ARHGEF10L: variants seen among roughly 807,000 people sequenced by gnomAD.
ARHGEF10L encodes rho guanine nucleotide exchange factor 10-like protein.
ARHGEF10L carries 69 observed loss-of-function variants against 141.2 expected under a neutral mutation model. The ratio of observed to expected loss-of-function variants is 0.49; its 90% CI spans 0.40 to 0.60. The LOEUF (loss-of-function observed/expected upper bound fraction) is 0.60, where lower values mean the gene tolerates loss of function less well. ARHGEF10L is among the 20% of genes least tolerant of loss of function. ARHGEF10L has a pLI of 0.00. For synonymous variants in ARHGEF10L, 711 were observed against 718.5 expected (o/e 0.99, Z 0.17); for missense variants, 1,482 against 1,734.3 (o/e 0.85, Z 2.58).
intron 1 of ARHGEF10L, among the ~76,000 whole-genome samples, chr1:17,541,116 C>T (rs960620463): frequency 2.6e-5 from 4 of 152,196 alleles, no homozygotes; most frequent in Non-Finnish European, 5.9e-5. Flanking sequence ...ATCTGATGCT[C>T]GCTCTGTCCC....
At chr1:17,524,298 C>T in the ARHGEF10L span, among the ~76,000 whole-genome samples, 2 of 150,704 alleles carry the variant, frequency 1.3e-5, no homozygotes, top group Non-Finnish European at 3.0e-5. Flanking sequence ...GAGCGAGACT[C>T]CGTCTCAAGA....
At chr1:17,665,793 CTTA>C (rs963404700) in intron 26 of ARHGEF10L, among the ~76,000 whole-genome samples, 7 of 152,148 alleles carry the variant, frequency 4.6e-5, no homozygotes, top group African/African-American at 1.4e-4. Context: ...TAGAAAGAGA[CTTA>C]TTATAAAGAG....
Position 17,664,448 on chromosome 1 carries a change from A to T in ARHGEF10L, c.2862A>T (p.Gly954=), listed in dbSNP as rs550241696. The T allele has an allele frequency of 6.2e-6, 10 of 1,602,386 alleles. No individual in the cohort carries two copies. The African/African-American group carries it at 1.3e-4, about 21-fold the overall frequency. Residue 954 remains glycine (G), a splice_region_variant and synonymous_variant, in exon 26 of 29, where the codon GGA becomes GGT. Transcript: ENST00000361221. ...CCTGCCTCCCCTCTCTCCCTGCAGG[A>T]GGTGTCCTGTGGGACCTGGAGAGCC... ...GTLAAYPRTS[G]GVLWDLESPP...
chr1:17,556,313 G>A (rs1212505847), intron 1 of ARHGEF10L, among the ~76,000 whole-genome samples: 3 of 141,208 alleles, frequency 2.1e-5, no homozygotes, highest in African/African-American at 5.4e-5. Context: ...CTGGGAGCAC[G>A]GGGGTGGGCC....
intron 26 of ARHGEF10L, among the ~76,000 whole-genome samples, chr1:17,672,349 T>C (rs2063378053): frequency 6.6e-6 from 1 of 152,184 alleles, no homozygotes; most frequent in Non-Finnish European, 1.5e-5. Flanking sequence ...ATCTTATTTA[T>C]GACATGAAAC....
rs149908903 is a variant in ARHGEF10L, at chr1:17,697,186, G to T, written c.3646G>T (p.Asp1216Tyr). 1.9e-5 allele frequency: 30 copies of T among 1,612,064 alleles called. No individual in the cohort carries two copies. In the East Asian group the frequency reaches 3.8e-4, roughly 20 times the overall value. Reference sequence around the variant, plus strand: ...CGGCTCCATTTACGAGATGGCCGACGACCCCGACATCTGGGTGCGCAGCCG... The same window carrying T: ...CGGCTCCATTTACGAGATGGCCGACTACCCCGACATCTGGGTGCGCAGCCG... ...EDGSIYEMAD[D>Y]PDIWVRSRPC... The change falls in exon 29 of 29, where the codon GAC becomes TAC. Residue 1216 changes from aspartate (D) to tyrosine (Y), a missense_variant. This residue lies in a region of ARHGEF10L where 858 missense variants were observed against 966.3 expected (regional missense o/e 0.89). Coordinates refer to ENST00000361221, the MANE Select transcript of ARHGEF10L (RefSeq NM_018125.4). This position sits in a 1 kb window ranked among gnomAD's most constrained non-coding sequence, Gnocchi z 4.8.
chr1:17,544,939 G>A (rs575544718), intron 1 of ARHGEF10L, among the ~76,000 whole-genome samples: 1 of 152,226 alleles, frequency 6.6e-6, no homozygotes, highest in East Asian at 1.9e-4. Context: ...CAGGTCTTGG[G>A]AGACTTATTC....
At position 17,648,652 on chromosome 1, in the gene ARHGEF10L, T is replaced by TC; in HGVS notation, c.2373dup (p.Ser792LeufsTer94). 1 of 1,612,718 alleles carries TC rather than the reference T, an allele frequency of 6.2e-7. No homozygotes were observed. ...CCTGGCCTGCTGCATCCCTGCCTTCTCCTCCCGGGCACTCAGCCTGCAGGT... is the reference window on the plus strand; with the variant it reads ...CCTGGCCTGCTGCATCCCTGCCTTCTCCCTCCCGGGCACTCAGCCTGCAGGT... On this transcript the variant is annotated frameshift_variant, in exon 22 of 29. Coordinates refer to ENST00000361221, the MANE Select transcript of ARHGEF10L (RefSeq NM_018125.4). LOFTEE classifies it high-confidence loss of function.
chr1:17,608,123 G>A, intron 7 of ARHGEF10L, 146 bp downstream of exon 7: 1 of 895,016 alleles, frequency 1.1e-6, no homozygotes, highest in East Asian at 3.3e-5. Flanking sequence ...TGGTGAGAGG[G>A]GAGCCAGAAG....
At chr1:17,596,550 C>A (rs1053739898) in intron 4 of ARHGEF10L, among the ~76,000 whole-genome samples, 20 of 152,212 alleles carry the variant, frequency 1.3e-4, no homozygotes, top group African/African-American at 4.6e-4. Flanking sequence ...GGCAAGGGCC[C>A]CAGAATGCTT....
At chr1:17,659,888 C>T (rs1023113891) in intron 25 of ARHGEF10L, among the ~76,000 whole-genome samples, 2 of 152,212 alleles carry the variant, frequency 1.3e-5, no homozygotes, top group Non-Finnish European at 2.9e-5. Context: ...GTCCAGGCTC[C>T]AGGGTGACCA....
At chr1:17,529,084 A>G in the ARHGEF10L span, among the ~76,000 whole-genome samples, 2 of 151,856 alleles carry the variant, frequency 1.3e-5, no homozygotes, top group East Asian at 3.9e-4. Context: ...GCTCACTGCA[A>G]CCTCTACCTC....
chr1:17,529,988 A>G, the ARHGEF10L span, among the ~76,000 whole-genome samples: 2 of 151,860 alleles, frequency 1.3e-5, no homozygotes, highest in African/African-American at 4.8e-5. Context: ...GCCTGCCACC[A>G]TGCCCGGCTA....
In ARHGEF10L at chr1:17,684,093, G is replaced by A. The variant is rs138448463; in HGVS notation, c.3010-3480G>A. Among the ~76,000 whole-genome samples the A allele has an allele frequency of 1.7e-4, 26 of 152,310 alleles. No homozygotes were observed. In the East Asian group the frequency reaches 4.4e-3, roughly 26 times the overall value. On this transcript the variant is annotated intron_variant, in intron 26 of 28. Coordinates refer to ENST00000361221, the MANE Select transcript of ARHGEF10L (RefSeq NM_018125.4). ...CAAAGCATGTTGGGTCTCACTGACT[G>A]TCCTGCTACCCCATCCATTCGCCCC...
At chr1:17,563,333 C>T (rs746978493) in intron 1 of ARHGEF10L, among the ~76,000 whole-genome samples, 23 of 151,926 alleles carry the variant, frequency 1.5e-4, no homozygotes, top group Non-Finnish European at 2.1e-4. Context: ...CTCCCAGGCT[C>T]AAGTGATCCT....
At chr1:17,618,238 C>G (rs2101308760) in intron 9 of ARHGEF10L, 1 of 1,293,790 alleles carries the variant, frequency 7.7e-7, no homozygotes, top group Non-Finnish European at 1.0e-6. Flanking sequence ...CCCAGGCTGG[C>G]TAGGGCTCTC....
In ARHGEF10L at chr1:17,566,621, C is replaced by T. The variant is rs77882761; in HGVS notation, c.-43-13932C>T. On this transcript the variant is annotated intron_variant, in intron 1 of 28. Coordinates refer to ENST00000361221, the MANE Select transcript of ARHGEF10L (RefSeq NM_018125.4). ...GATCATTGCCAGGTGTTCATGTGCC[C>T]TGTTCTGTGTGGATGCAGTGTTGGG... Among the ~76,000 whole-genome samples, 627 of 152,308 alleles carry T rather than the reference C, an allele frequency of 4.1e-3. 3 individuals carry two copies. Among genetic ancestry groups the T allele is most frequent in the African/African-American group, 0.014 (601 of 41,566 alleles).
At chr1:17,646,535 G>T (rs1293432770) in intron 21 of ARHGEF10L, among the ~76,000 whole-genome samples, 1 of 152,162 alleles carries the variant, frequency 6.6e-6, no homozygotes, top group Non-Finnish European at 1.5e-5. Flanking sequence ...TAGAACACTG[G>T]CATGGTGGGG....
chr1:17,571,312 C>T (rs1038420854), intron 1 of ARHGEF10L, among the ~76,000 whole-genome samples: 2 of 152,070 alleles, frequency 1.3e-5, no homozygotes, highest in African/African-American at 2.4e-5. Context: ...CCATCAGAAC[C>T]GGTGTAGTGG....
Sources: gnomAD v4.1 joint callset for allele counts (sites outside exome capture counted in the v4.1 genomes callset) on GRCh38, gnomAD v4.1.1 for gene constraint, gnomAD v4.1.1 regional missense constraint, Gnocchi (gnomAD v3.1) non-coding constraint, MANE v1.5 for transcripts, NCBI Gene and HGNC (gene_info 2026-07-23, HGNC 2026-07-21) for gene names.